The following DMD variants were observed in gnomAD, a reference collection of about 807,000 sequenced individuals.
DMD encodes the protein mutant dystrophin.
A neutral mutation model predicts 330.1 loss-of-function variants in DMD; 63 were observed. That is an observed-to-expected ratio of 0.19 (90% CI 0.16 to 0.24). The LOEUF (loss-of-function observed/expected upper bound fraction) is 0.24. DMD is among the 10% of genes least tolerant of loss of function. The pLI is 1.00. For missense variants in DMD, 3,344 were observed against 2,684.1 expected (o/e 1.25, Z -5.43); for synonymous variants, 1,223 against 959.8 (o/e 1.27, Z -5.07).
chrX:32,123,229 A>G (rs1302136628), intron 44 of DMD, among the ~76,000 whole-genome samples: 5 of 87,975 alleles, frequency 5.7e-5, no homozygotes, highest in Admixed American at 5.0e-4. Flanking sequence ...ATATATATAT[A>G]TATATATATA....
chrX:33,286,981 T>C (rs978002182), intron 1 of DMD, among the ~76,000 whole-genome samples: 2 of 111,911 alleles, frequency 1.8e-5, no homozygotes, highest in Non-Finnish European at 3.8e-5. Context: ...AGCAACAAAA[T>C]GGAAGACGTC....
At chrX:32,078,172 C>T (rs1041351357) in intron 44 of DMD, among the ~76,000 whole-genome samples, 5 of 112,058 alleles carry the variant, frequency 4.5e-5, no homozygotes, top group Non-Finnish European at 9.4e-5. Flanking sequence ...AACAAATCTG[C>T]TCTTACTTTA....
intron 1 of DMD, among the ~76,000 whole-genome samples, chrX:33,094,289 T>C (rs2095125025): frequency 9.0e-6 from 1 of 111,530 alleles, no homozygotes; most frequent in Non-Finnish European, 1.9e-5. Context: ...GAGATACTAA[T>C]ATACACTTAA....
At chrX:31,731,722 A>G (rs973546212) in intron 51 of DMD, among the ~76,000 whole-genome samples, 1 of 111,745 alleles carries the variant, frequency 8.9e-6, no homozygotes, top group African/African-American at 3.2e-5. Flanking sequence ...ATTTTTATAT[A>G]ACAAAGATTA....
At chrX:31,955,453 G>A (rs964269317) in intron 45 of DMD, among the ~76,000 whole-genome samples, 4 of 111,953 alleles carry the variant, frequency 3.6e-5, no homozygotes, top group African/African-American at 1.3e-4. Context: ...TATAACTTTG[G>A]TTAGCCTTGG....
chrX:31,990,352 T>C (rs1212117298), intron 44 of DMD, among the ~76,000 whole-genome samples: 2 of 112,079 alleles, frequency 1.8e-5, no homozygotes, highest in Non-Finnish European at 3.8e-5. Context: ...ATAACATAGT[T>C]TCTCCTAAAG....
At position 31,875,315 on chromosome X, in the gene DMD, C is replaced by T; in HGVS notation, c.6971G>A (p.Gly2324Glu). The T allele has an allele frequency of 1.7e-6, 2 of 1,201,788 alleles. No individual in the cohort carries two copies. The highest frequency in any genetic ancestry group is 2.2e-6 in the Non-Finnish European group (2 of 889,672). ...GTCTTCAAGCTTTTTTTCAAGCTGC[C>T]CAAGGTCTTTTATTTGAGCTTCAAT... ...GEIEAQIKDL[G>E]QLEKKLEDLE... Residue 2324 changes from glycine (G) to glutamate (E), a missense_variant, in exon 48 of 79, where the codon GGG (glycine) becomes GAG (glutamate). Transcript: ENST00000357033.
chrX:32,882,481 G>C (rs1054478760), intron 2 of DMD, among the ~76,000 whole-genome samples: 4 of 112,256 alleles, frequency 3.6e-5, no homozygotes, highest in African/African-American at 9.7e-5. Context: ...AATACATTAA[G>C]TGTTGGGTCT....
intron 44 of DMD, among the ~76,000 whole-genome samples, chrX:32,039,834 T>G (rs66707838): frequency 0.12 from 13,085 of 111,039 alleles, 724 homozygotes; most frequent in East Asian, 0.35. Flanking sequence ...TTAACCATGA[T>G]TCTACTCTAC....
At chrX:31,214,530 G>A (rs757519866) in intron 64 of DMD, among the ~76,000 whole-genome samples, 4 of 111,692 alleles carry the variant, frequency 3.6e-5, no homozygotes, top group Middle Eastern at 4.6e-3. Context: ...CCTTCAATGT[G>A]CTCCCAACAC....
At chrX:31,870,441 A>C (rs188098525) in intron 48 of DMD, among the ~76,000 whole-genome samples, 31 of 111,793 alleles carry the variant, frequency 2.8e-4, no homozygotes, top group Middle Eastern at 4.6e-3. Context: ...GCCAATCAGC[A>C]AACACAGATG....
intron 60 of DMD, among the ~76,000 whole-genome samples, chrX:31,397,554 T>A (rs893786642): frequency 8.9e-6 from 1 of 112,751 alleles, no homozygotes; most frequent in Admixed American, 9.4e-5. Flanking sequence ...ATCTGTTGCA[T>A]CTTTCCTAGA....
chrX:31,363,120 C>A (rs995791251), intron 60 of DMD, among the ~76,000 whole-genome samples: 6 of 112,070 alleles, frequency 5.4e-5, no homozygotes, highest in African/African-American at 1.9e-4. Flanking sequence ...GTTCACCAAA[C>A]TAAGGTCTTT....
At chrX:32,572,171 A>T (rs2052495520) in intron 15 of DMD, among the ~76,000 whole-genome samples, 1 of 111,921 alleles carries the variant, frequency 8.9e-6, no homozygotes, top group African/African-American at 3.2e-5. Flanking sequence ...GCTTGTAATA[A>T]CAAGTAATAC....
rs1024932457 is a variant in DMD at position 32,122,204 on chromosome X, G to A, written c.6438+94712C>T. 9.0e-5 allele frequency among the ~76,000 whole-genome samples: 10 copies of A among 111,721 alleles called. No homozygotes were observed. In the East Asian group the frequency reaches 1.4e-3, roughly 16 times the overall value. ...AGCCTTATATGGTTTTTCCTATAGC[G>A]TAGCTAAAGCAGTGGTTTTCAAAGC... On this transcript the variant is annotated intron_variant, in intron 44 of 78. Transcript: ENST00000357033.
intron 2 of DMD, among the ~76,000 whole-genome samples, chrX:32,997,442 A>C (rs780389696): frequency 2.7e-5 from 3 of 111,112 alleles, no homozygotes; most frequent in Non-Finnish European, 3.8e-5. Flanking sequence ...GACAGGGTTT[A>C]ACCATGTTGG....
At chrX:33,053,069 G>T (rs1036437855) in intron 1 of DMD, among the ~76,000 whole-genome samples, 5 of 111,760 alleles carry the variant, frequency 4.5e-5, no homozygotes, top group Admixed American at 2.9e-4. Flanking sequence ...GATAATAAAA[G>T]AACATCTACT....
intron 52 of DMD, among the ~76,000 whole-genome samples, chrX:31,727,711 T>C (rs1198146298): frequency 8.9e-6 from 1 of 112,137 alleles, no homozygotes; most frequent in Non-Finnish European, 1.9e-5. Context: ...AGATTACCTG[T>C]TATAGTGGCT....
chrX:31,731,578 T>C (rs2086507087), intron 51 of DMD, among the ~76,000 whole-genome samples: 1 of 111,990 alleles, frequency 8.9e-6, no homozygotes, highest in Non-Finnish European at 1.9e-5. Flanking sequence ...TAAATTCATT[T>C]ACTCATCCAT....
Sources: allele counts gnomAD v4.1 joint callset (sites outside exome capture counted in the v4.1 genomes callset), GRCh38; gene constraint gnomAD v4.1.1; transcripts MANE v1.5; gene names NCBI Gene and HGNC (gene_info 2026-07-23, HGNC 2026-07-21).